Variants in BICC1 observed in about 807,000 individuals in gnomAD.
BICC1 encodes protein bicaudal C homolog 1.
BICC1 carries 43 observed loss-of-function variants against 111.0 expected under a neutral mutation model. The observed-to-expected ratio is 0.39, with a 90% CI of 0.30 to 0.50. BICC1 has a LOEUF of 0.50. Among genes scored for constraint, BICC1 ranks in the 20% least tolerant of loss-of-function variants. The pLI, the probability that BICC1 is intolerant of heterozygous loss-of-function variation, is 0.88. For missense variants in BICC1, 1,091 were observed against 1,203.2 expected, an observed-to-expected ratio of 0.91 and a Z score of 1.38; for synonymous variants, 467 against 434.4, an observed-to-expected ratio of 1.07 and a Z score of -0.93.
At chr10:58,663,697 C>T (rs12243255) in intron 2 of BICC1, among the ~76,000 whole-genome samples, 209 of 152,246 alleles carry the variant, frequency 1.4e-3, no homozygotes, top group African/African-American at 4.9e-3. Context: ...TGATGATCTG[C>T]GGTGGGACAG....
At chr10:58,604,037 T>C (rs1845128959) in intron 1 of BICC1, among the ~76,000 whole-genome samples, 1 of 152,206 alleles carries the variant, frequency 6.6e-6, no homozygotes, top group African/African-American at 2.4e-5. Flanking sequence ...TTTGAATGCT[T>C]CATCTACTCA....
chr10:58,537,907 A>G (rs1350971248), intron 1 of BICC1, among the ~76,000 whole-genome samples: 1 of 151,630 alleles, frequency 6.6e-6, no homozygotes, highest in South Asian at 2.1e-4. Context: ...AGGAATATAT[A>G]TAACCAAGGA....
At position 58,806,642 on chromosome 10, in the gene BICC1, A is replaced by G. The variant is rs191894005; in HGVS notation, c.2221+19A>G. On this transcript the variant is annotated intron_variant, in intron 16 of 20. Transcript: ENST00000373886. ...ACCAAAGGTATGTAATACACTAATA[A>G]CTTACACTTGACTATATTTTAGTAC... 1.3e-4 allele frequency: 204 copies of G among 1,587,328 alleles called. No homozygotes were observed. The East Asian group carries it at 3.3e-3, about 26-fold the overall frequency.
chr10:58,789,503 T>C (rs1269339348), intron 7 of BICC1, 47 bp downstream of exon 7: 2 of 1,537,814 alleles, frequency 1.3e-6, no homozygotes, highest in East Asian at 2.3e-5. Context: ...ACAAGTTACA[T>C]GAGTTTCATT....
chr10:58,756,497 T>C (rs780205490), intron 3 of BICC1, among the ~76,000 whole-genome samples: 5 of 151,406 alleles, frequency 3.3e-5, no homozygotes, highest in African/African-American at 7.2e-5. Flanking sequence ...TCCCATTCCC[T>C]TTCTAGCAGG....
intron 18 of BICC1, 119 bp downstream of exon 18, chr10:58,814,105 C>T: frequency 8.7e-7 from 1 of 1,148,672 alleles, no homozygotes; most frequent in Admixed American, 1.8e-5. Context: ...AATTCACATG[C>T]CATCTCCTCT....
rs1844501536 is a variant in BICC1 at position 58,829,618 on chromosome 10, G to C, written c.*727G>C. ...CTGTTTCATGTATGTTAGCATCCTA[G>C]AAACACCTAGCAATGGACCTAGTTC... is the stretch of plus-strand genomic sequence containing the variant. On this transcript the variant is annotated 3_prime_UTR_variant, in exon 21 of 21. Transcript: ENST00000373886. 6.6e-6 allele frequency: 1 copy of C among 152,080 alleles called. No homozygotes were observed. The highest frequency in any genetic ancestry group is 1.5e-5 in the Non-Finnish European group (1 of 68,008). 9.4% of individuals were successfully genotyped at this position (152,080 alleles called of 1,614,324 possible).
intron 6 of BICC1, 32 bp downstream of exon 6, chr10:58,788,455 GA>G: frequency 2.1e-6 from 3 of 1,455,260 alleles, no homozygotes; most frequent in Non-Finnish European, 2.9e-6. Flanking sequence ...ATTGTAAATT[GA>G]TGTCAGCAAC....
At chr10:58,702,910 A>G (rs1429693204) in intron 3 of BICC1, among the ~76,000 whole-genome samples, 2 of 152,142 alleles carry the variant, frequency 1.3e-5, no homozygotes, top group East Asian at 1.9e-4. Flanking sequence ...GCAATTATCC[A>G]TCATGGTCTG....
chr10:58,716,533 T>C (rs1285348040), intron 3 of BICC1, among the ~76,000 whole-genome samples: 1 of 152,142 alleles, frequency 6.6e-6, no homozygotes, highest in Admixed American at 6.5e-5. Context: ...ACTGCAGTCA[T>C]ACTAGTGGTT....
At chr10:58,584,080 AC>A (rs1844364594) in intron 1 of BICC1, among the ~76,000 whole-genome samples, 1 of 151,838 alleles carries the variant, frequency 6.6e-6, no homozygotes, top group Non-Finnish European at 1.5e-5. Flanking sequence ...ACACACACAC[AC>A]ACACACACAC....
intron 2 of BICC1, among the ~76,000 whole-genome samples, chr10:58,679,426 G>A (rs1263364981): frequency 6.6e-6 from 1 of 152,226 alleles, no homozygotes; most frequent in African/African-American, 2.4e-5. Context: ...AAATAAACTA[G>A]GTTATCTAGA....
At chr10:58,806,560 A>C in intron 15 of BICC1, 24 bp from the exon 16 acceptor site, 2 of 1,608,520 alleles carry the variant, frequency 1.2e-6, no homozygotes, top group Non-Finnish European at 1.7e-6. Flanking sequence ...CTGTCAATAA[A>C]GGTATTTTCT....
At chr10:58,598,269 G>C (rs10763562) in intron 1 of BICC1, among the ~76,000 whole-genome samples, 1 of 151,780 alleles carries the variant, frequency 6.6e-6, no homozygotes, top group African/African-American at 2.4e-5. Context: ...ACCACAAAAC[G>C]ACAGTAACTG....
chr10:58,792,776 C>A lies in BICC1; in HGVS notation c.1048-708C>A, dbSNP rs187302381. Among the ~76,000 whole-genome samples, 57 of 152,194 alleles carry A rather than the reference C, an allele frequency of 3.7e-4. No homozygotes were observed. In the East Asian group the frequency reaches 8.7e-3, roughly 23 times the overall value. ...TGTATAATTATTTAATTATATATTA[C>A]AATGTGATAATAATAGTAATAAAGT... On this transcript the variant is annotated intron_variant, in intron 8 of 20. Transcript: ENST00000373886.
intron 1 of BICC1, among the ~76,000 whole-genome samples, chr10:58,592,384 T>C (rs1844648601): frequency 6.6e-6 from 1 of 152,166 alleles, no homozygotes; most frequent in Non-Finnish European, 1.5e-5. Flanking sequence ...ACATTGTTTT[T>C]GTTTCCCTCT....
At chr10:58,574,242 G>C (rs1982173) in intron 1 of BICC1, among the ~76,000 whole-genome samples, 1 of 151,932 alleles carries the variant, frequency 6.6e-6, no homozygotes, top group Non-Finnish European at 1.5e-5. Flanking sequence ...TCTTCTGTGT[G>C]AGAATCAGAT....
intron 1 of BICC1, among the ~76,000 whole-genome samples, chr10:58,620,606 G>A (rs537148058): frequency 6.6e-6 from 1 of 152,278 alleles, no homozygotes; most frequent in African/African-American, 2.4e-5. Context: ...TCATCTAAGT[G>A]TGCAGGGGTT....
chr10:58,558,235 A>G (rs1239977878), intron 1 of BICC1, among the ~76,000 whole-genome samples: 2 of 152,046 alleles, frequency 1.3e-5, no homozygotes, highest in Non-Finnish European at 2.9e-5. Context: ...GCATGGGTTG[A>G]TCGGTACTCA....
Sources: gnomAD v4.1 joint callset for allele counts (sites outside exome capture counted in the v4.1 genomes callset) on GRCh38, gnomAD v4.1.1 for gene constraint, MANE v1.5 for transcripts, NCBI Gene and HGNC (gene_info 2026-07-23, HGNC 2026-07-21) for gene names.